The following KAT14 variants were observed in gnomAD, a reference collection of about 807,000 sequenced individuals.
KAT14 encodes the protein lysine acetyltransferase 14, also known as cysteine-rich protein 2-binding protein.
KAT14 carries 66 observed loss-of-function variants against 78.4 expected under a neutral mutation model. The ratio of observed to expected loss-of-function variants is 0.84; its 90% CI spans 0.69 to 1.03. The LOEUF is 1.03. Ranked by LOEUF, KAT14 falls within the 50% of genes least tolerant of loss-of-function variation. The probability of loss-of-function intolerance (pLI) is 0.00; values close to 1 mark genes in which losing one functional copy is unlikely to be tolerated. For missense variants in KAT14, 870 were observed against 972.5 expected, an observed-to-expected ratio of 0.89 and a Z score of 1.40; for synonymous variants, 344 against 359.4, an observed-to-expected ratio of 0.96 and a Z score of 0.48.
At chr20:18,165,358 A>G (rs748438529) in intron 7 of KAT14, among the ~76,000 whole-genome samples, 2 of 152,142 alleles carry the variant, frequency 1.3e-5, no homozygotes, top group Non-Finnish European at 2.9e-5. Context: ...CCTTAAGCAT[A>G]TGTTGAAGTC....
chr20:18,186,277 C>G (rs1034437248), intron 10 of KAT14, among the ~76,000 whole-genome samples: 4 of 152,172 alleles, frequency 2.6e-5, no homozygotes, highest in African/African-American at 9.7e-5. Flanking sequence ...AGGTGGCGCA[C>G]AGTCGCTGGC....
intron 1 of KAT14, 82 bp from the exon 2 acceptor site, chr20:18,142,126 C>T: frequency 1.5e-6 from 2 of 1,361,346 alleles, no homozygotes; most frequent in Non-Finnish European, 9.7e-7. Flanking sequence ...ATTTTGGTAA[C>T]ACTGTTATTT....
rs868486730 is a variant in KAT14 at position 18,141,041 on chromosome 20, T to A, written c.-453-1167T>A. Among the ~76,000 whole-genome samples the A allele has an allele frequency of 3.0e-4, 13 of 43,608 alleles. 1 individual carries two copies. The highest frequency in any genetic ancestry group is 1.9e-3 in the South Asian group (2 of 1,052). 28.6% of individuals were successfully genotyped at this position (43,608 alleles called of 152,430 possible). A position where few individuals can be genotyped will look rare whatever the true frequency, so the allele number is the denominator to read the frequency against. On this transcript the variant is annotated intron_variant, in intron 1 of 10. Transcript: ENST00000688188. ...CCCTGCAATTTTTTTTTTTTTTTTT[T>A]TTTTTATTTTTATTTTTGCTAGAGA...
chr20:18,144,041 A>G (rs2037720868), intron 2 of KAT14, among the ~76,000 whole-genome samples: 1 of 152,260 alleles, frequency 6.6e-6, no homozygotes, highest in Non-Finnish European at 1.5e-5. Context: ...AGAGACTAGT[A>G]AAGATATAGG....
chr20:18,185,182 T>C (rs866389982), intron 10 of KAT14, among the ~76,000 whole-genome samples: 4 of 152,208 alleles, frequency 2.6e-5, no homozygotes, highest in South Asian at 2.1e-4. Context: ...TTTTAAATAT[T>C]TGTAAACATT....
chr20:18,141,585 C>T (rs2037582252), intron 1 of KAT14, among the ~76,000 whole-genome samples: 1 of 152,170 alleles, frequency 6.6e-6, no homozygotes, highest in African/African-American at 2.4e-5. Context: ...ATCAATTAAA[C>T]TTTAAAAATT....
rs909151746 is a variant in KAT14, at chr20:18,150,996, A to G, written c.500+54A>G. On this transcript the variant is annotated intron_variant, in intron 4 of 10. Coordinates refer to ENST00000688188, the MANE Select transcript of KAT14 (RefSeq NM_001392073.1). ...TCAAGGAATATGTAAAGAATGAAGT[A>G]TACAGGATTTGAGACAGCCTAATGT... 3 of 1,597,968 alleles carry G rather than the reference A, an allele frequency of 1.9e-6. No homozygotes were observed. The African/African-American group carries it at 4.0e-5, about 22-fold the overall frequency.
Position 18,139,926 on chromosome 20 carries a change from A to G in KAT14, c.-454+1875A>G, listed in dbSNP as rs142776277. On this transcript the variant is annotated intron_variant, in intron 1 of 10. Coordinates refer to ENST00000688188, the MANE Select transcript of KAT14 (RefSeq NM_001392073.1). ...ATTAAGCAGTGCTACATGAGGAGCC[A>G]GAGTTCTAGGTGTTAGGGTTGGAAG... is the stretch of plus-strand genomic sequence containing the variant. Among the ~76,000 whole-genome samples the G allele has an allele frequency of 3.3e-3, 506 of 152,324 alleles. 3 individuals carry two copies. The highest frequency in any genetic ancestry group is 0.011 in the African/African-American group (467 of 41,582).
chr20:18,175,513 G>T (rs988010985), intron 7 of KAT14, among the ~76,000 whole-genome samples: 1 of 152,004 alleles, frequency 6.6e-6, no homozygotes, highest in African/African-American at 2.4e-5. Flanking sequence ...GCCTCCCCGG[G>T]CTTTCTCCCA....
chr20:18,150,022 C>T (rs1208638100), intron 3 of KAT14, among the ~76,000 whole-genome samples: 2 of 152,132 alleles, frequency 1.3e-5, no homozygotes, highest in African/African-American at 4.8e-5. Context: ...AGAAAAATGT[C>T]TGAAAGGATG....
chr20:18,181,266 T>C (rs1246612506), intron 7 of KAT14, among the ~76,000 whole-genome samples: 1 of 152,168 alleles, frequency 6.6e-6, no homozygotes, highest in Non-Finnish European at 1.5e-5. Context: ...AGTTTGAGCT[T>C]TCCAAATAAG....
chr20:18,154,462 C>G (rs951280988), intron 4 of KAT14, among the ~76,000 whole-genome samples: 3 of 152,094 alleles, frequency 2.0e-5, no homozygotes, highest in Non-Finnish European at 2.9e-5. Context: ...GCATTAAGAA[C>G]TAAAATTGAC....
In KAT14 at chr20:18,138,342, C is replaced by G. The variant is rs190452502; in HGVS notation, c.-454+291C>G. 1,195 of 1,109,342 alleles carry G rather than the reference C, an allele frequency of 1.1e-3. 12 individuals are homozygous for G. The African/African-American group carries it at 0.017, about 16-fold the overall frequency. The allele number at this position is 1,109,342 out of a possible 1,614,324, so 68.7% of individuals were successfully genotyped here. On this transcript the variant is annotated intron_variant, in intron 1 of 10. Coordinates refer to ENST00000688188, the MANE Select transcript of KAT14 (RefSeq NM_001392073.1). ...GGGGCCTTGCTCCGCACAGGCACGGCACGCAAGCTTTTGGGGTGCCCAGTG... is the reference window on the plus strand; with the variant it reads ...GGGGCCTTGCTCCGCACAGGCACGGGACGCAAGCTTTTGGGGTGCCCAGTG...
At chr20:18,179,764 T>G (rs1372348788) in intron 7 of KAT14, among the ~76,000 whole-genome samples, 1 of 152,242 alleles carries the variant, frequency 6.6e-6, no homozygotes, top group African/African-American at 2.4e-5. Context: ...CCTCAAAAAA[T>G]AGGTTTTTCT....
chr20:18,172,401 CT>C (rs34582219), intron 7 of KAT14, among the ~76,000 whole-genome samples: 281 of 129,230 alleles, frequency 2.2e-3, no homozygotes, highest in Middle Eastern at 0.011. Context: ...CGCCTGGCCA[CT>C]TTTTTTTTTT....
intron 1 of KAT14, among the ~76,000 whole-genome samples, chr20:18,141,035 TTTTTTTTTTTTA>T (rs2037538335): frequency 5.1e-5 from 1 of 19,736 alleles, no homozygotes; most frequent in Admixed American, 6.8e-4. Context: ...TTTTTTTTTT[TTTTTTTTTTTTA>T]TTTTTATTTT....
At chr20:18,181,559 C>G in intron 7 of KAT14, 151 bp from the exon 8 acceptor site, 1 of 1,206,378 alleles carries the variant, frequency 8.3e-7, no homozygotes, top group Non-Finnish European at 1.1e-6. Context: ...TTAGTAGAGA[C>G]AGGGTTTTAC....
Position 18,187,559 on chromosome 20 carries a change from G to A in KAT14, c.*100G>A. 1 of 1,551,148 alleles carries A rather than the reference G, an allele frequency of 6.4e-7. No homozygotes were observed. Among genetic ancestry groups the A allele is most frequent in the Non-Finnish European group, 8.7e-7 (1 of 1,152,612 alleles). The stretch of plus-strand genomic sequence containing the variant: ...GATTTCACAGGGAGCTCTAATCTCT[G>A]TGATTACATGGTCCTTCAAACTCCC... On this transcript the variant is annotated 3_prime_UTR_variant, in exon 11 of 11. Coordinates refer to ENST00000688188, the MANE Select transcript of KAT14 (RefSeq NM_001392073.1).
At chr20:18,147,537 G>C (rs919340969) in intron 3 of KAT14, among the ~76,000 whole-genome samples, 1 of 152,128 alleles carries the variant, frequency 6.6e-6, no homozygotes, top group African/African-American at 2.4e-5. Flanking sequence ...TTTGCTCAGA[G>C]TATGTAATAT....
Sources: allele counts gnomAD v4.1 joint callset (sites outside exome capture counted in the v4.1 genomes callset), GRCh38; gene constraint gnomAD v4.1.1; transcripts MANE v1.5; gene names NCBI Gene and HGNC (gene_info 2026-07-23, HGNC 2026-07-21).